Variants in MAN1C1 observed in about 807,000 individuals in gnomAD.
MAN1C1 encodes mannosyl-oligosaccharide 1,2-alpha-mannosidase IC.
MAN1C1 carries 49 observed loss-of-function variants against 71.5 expected under a neutral mutation model. The ratio of observed to expected loss-of-function variants is 0.69; its 90% CI spans 0.54 to 0.87. The LOEUF is 0.87. MAN1C1 is among the 40% of genes least tolerant of loss of function. The pLI, the probability that MAN1C1 is intolerant of heterozygous loss-of-function variation, is 0.00. For synonymous variants in MAN1C1, 352 were observed against 343.7 expected, an observed-to-expected ratio of 1.02 and a Z score of -0.27; for missense variants, 743 against 835.0, an observed-to-expected ratio of 0.89 and a Z score of 1.36.
chr1:25,627,418 G>A (rs1175701056), intron 1 of MAN1C1, among the ~76,000 whole-genome samples: 2 of 152,122 alleles, frequency 1.3e-5, no homozygotes, highest in Admixed American at 1.3e-4. Flanking sequence ...GAGACTACAG[G>A]CATGAGCCAC....
chr1:25,671,596 G>A (rs867331162), intron 1 of MAN1C1, among the ~76,000 whole-genome samples: 2 of 152,320 alleles, frequency 1.3e-5, no homozygotes, highest in Admixed American at 6.5e-5. Context: ...ACATCAGAAC[G>A]CCTCATGTAG....
At chr1:25,751,544 G>A (rs977894680) in intron 4 of MAN1C1, among the ~76,000 whole-genome samples, 14 of 152,220 alleles carry the variant, frequency 9.2e-5, no homozygotes, top group African/African-American at 2.4e-4. Context: ...AAGACTCAAG[G>A]AGGGGCCAAC....
intron 1 of MAN1C1, among the ~76,000 whole-genome samples, chr1:25,684,503 G>T (rs2046200664): frequency 6.6e-6 from 1 of 152,224 alleles, no homozygotes; most frequent in Admixed American, 6.5e-5. Flanking sequence ...GTGCTGCCAT[G>T]ACCACTTCTC....
At chr1:25,652,770 C>T (rs148272144) in intron 1 of MAN1C1, among the ~76,000 whole-genome samples, 2 of 152,330 alleles carry the variant, frequency 1.3e-5, no homozygotes, top group Non-Finnish European at 2.9e-5. Flanking sequence ...CAGTGCTCAG[C>T]AGGGTGCCTG....
At chr1:25,749,533 T>A (rs2047184202) in intron 4 of MAN1C1, among the ~76,000 whole-genome samples, 198 bp downstream of exon 4, 1 of 152,188 alleles carries the variant, frequency 6.6e-6, no homozygotes. Context: ...CAGTCATTGC[T>A]CATCATGGGC....
chr1:25,689,927 A>G (rs932810058), intron 2 of MAN1C1, among the ~76,000 whole-genome samples: 15 of 152,150 alleles, frequency 9.9e-5, no homozygotes, highest in African/African-American at 3.6e-4. Flanking sequence ...TGTGCGGGGA[A>G]GGGTAATGAG....
chr1:25,717,636 C>T (rs1052203429), intron 2 of MAN1C1, among the ~76,000 whole-genome samples: 2 of 147,172 alleles, frequency 1.4e-5, no homozygotes, highest in East Asian at 2.0e-4. Context: ...AGTGCAGTGG[C>T]GCAATCTCGG....
In MAN1C1 at chr1:25,753,711, C is replaced by A. The variant is rs1458692745; in HGVS notation, c.929+133C>A. 4.4e-6 allele frequency: 3 copies of A among 688,724 alleles called. No individual in the cohort carries two copies. The Admixed American group carries it at 8.4e-5, about 19-fold the overall frequency. The allele number at this position is 688,724 out of a possible 1,614,324, so 42.7% of individuals were successfully genotyped here. On this transcript the variant is annotated intron_variant, in intron 5 of 11. Coordinates refer to ENST00000374332, the MANE Select transcript of MAN1C1 (RefSeq NM_020379.4). This position sits in a 1 kb window ranked among gnomAD's most constrained non-coding sequence, Gnocchi z 4.9. ...AAGCAGGAGGGGGGACCCTTGGGAC[C>A]ACCTCTGTTGAACCCGTTCTTTTAT...
chr1:25,714,695 C>T (rs939950743), intron 2 of MAN1C1, among the ~76,000 whole-genome samples: 2 of 152,136 alleles, frequency 1.3e-5, no homozygotes, highest in African/African-American at 4.8e-5. Context: ...TTTTGCAATG[C>T]TGATAATGTG....
intron 1 of MAN1C1, among the ~76,000 whole-genome samples, chr1:25,620,228 G>T (rs1473090712): frequency 6.6e-6 from 1 of 152,170 alleles, no homozygotes; most frequent in Non-Finnish European, 1.5e-5. Flanking sequence ...ATGGGAGAAG[G>T]TCTAAGTTGG....
At position 25,704,109 on chromosome 1, in the gene MAN1C1, G is replaced by C. The variant is rs75159770; in HGVS notation, c.637+17573G>C. Among the ~76,000 whole-genome samples the C allele has an allele frequency of 4.1e-3, 623 of 152,302 alleles. 3 individuals are homozygous for C. The highest frequency in any genetic ancestry group is 6.8e-3 in the Admixed American group (104 of 15,306). ...CTCCCTGATCAATAGCAACCAGCCA[G>C]GAAAGCAGTCCCGCAGTGTTTCAGG... On this transcript the variant is annotated intron_variant, in intron 2 of 11. Transcript: ENST00000374332.
At chr1:25,766,273 G>A (rs112507384) in intron 7 of MAN1C1, among the ~76,000 whole-genome samples, 79 of 152,178 alleles carry the variant, frequency 5.2e-4, no homozygotes, top group Non-Finnish European at 9.0e-4. Context: ...TGCCCAGCTC[G>A]CCCAAACGTC....
At chr1:25,740,811 A>G (rs1246341417) in intron 2 of MAN1C1, among the ~76,000 whole-genome samples, 1 of 152,028 alleles carries the variant, frequency 6.6e-6, no homozygotes, top group Admixed American at 6.6e-5. Context: ...AGGGAAGGGC[A>G]AGGGTAGATG....
At chr1:25,618,474 T>C in intron 1 of MAN1C1, 137 bp downstream of exon 1, 4 of 788,126 alleles carry the variant, frequency 5.1e-6, no homozygotes, top group Non-Finnish European at 3.9e-6. Context: ...GACTGCACTT[T>C]GCACCTTCCC....
At chr1:25,742,311 T>C (rs1194385880) in intron 2 of MAN1C1, among the ~76,000 whole-genome samples, 1 of 152,018 alleles carries the variant, frequency 6.6e-6, no homozygotes, top group African/African-American at 2.4e-5. Context: ...TTAGAGTGAA[T>C]AAGAGGTAAA....
At chr1:25,760,776 G>A (rs1009945587) in intron 6 of MAN1C1, 1 of 152,212 alleles carries the variant, frequency 6.6e-6, no homozygotes, top group African/African-American at 2.4e-5. Context: ...GGTCCCAAGG[G>A]CCTTTCTCTC....
chr1:25,749,294 A>C lies in MAN1C1; in HGVS notation c.793A>C (p.Ile265Leu). ...ASLFEVNIRY[I>L]GGLLSAFYLT... Reference sequence around the variant, plus strand: ...CTTGTTTGAGGTGAACATCCGCTACATCGGGGGACTCCTCTCAGCCTTCTA... The same window carrying C: ...CTTGTTTGAGGTGAACATCCGCTACCTCGGGGGACTCCTCTCAGCCTTCTA... The change falls in exon 4 of 12, where the codon ATC (isoleucine) becomes CTC (leucine). Residue 265 changes from isoleucine to leucine, a missense_variant. Coordinates refer to ENST00000374332, the MANE Select transcript of MAN1C1 (RefSeq NM_020379.4). 1 of 1,612,602 alleles carries C rather than the reference A, an allele frequency of 6.2e-7. No individual in the cohort carries two copies. Among genetic ancestry groups the C allele is most frequent in the Non-Finnish European group, 8.5e-7 (1 of 1,179,334 alleles).
At chr1:25,695,947 C>G (rs1485239760) in intron 2 of MAN1C1, among the ~76,000 whole-genome samples, 2 of 152,142 alleles carry the variant, frequency 1.3e-5, no homozygotes, top group African/African-American at 4.8e-5. Flanking sequence ...GTCTTTCTTT[C>G]TTTTTCATTT....
intron 2 of MAN1C1, among the ~76,000 whole-genome samples, chr1:25,698,756 C>A (rs976020684): frequency 7.9e-5 from 12 of 151,702 alleles, no homozygotes; most frequent in African/African-American, 2.9e-4. Flanking sequence ...TTGAGACCAG[C>A]CTGGCCAGCA....
Sources: gnomAD v4.1 joint callset for allele counts (sites outside exome capture counted in the v4.1 genomes callset) on GRCh38, gnomAD v4.1.1 for gene constraint, Gnocchi (gnomAD v3.1) non-coding constraint, MANE v1.5 for transcripts, NCBI Gene and HGNC (gene_info 2026-07-23, HGNC 2026-07-21) for gene names.